The following NFX1 variants were observed in gnomAD, a reference collection of about 807,000 sequenced individuals.
NFX1 encodes the protein transcriptional repressor NF-X1.
In NFX1, 69 loss-of-function variants were observed where a neutral mutation model predicts 137.2. The observed-to-expected ratio is 0.50, with a 90% confidence interval of 0.41 to 0.61. NFX1 has a LOEUF of 0.61. Among genes scored for constraint, NFX1 ranks in the 20% least tolerant of loss-of-function variants. NFX1 has a pLI of 0.00. For missense variants in NFX1, 1,167 were observed against 1,391.0 expected (o/e 0.84, Z 2.56); for synonymous variants, 495 against 474.1 (o/e 1.04, Z -0.57).
intron 2 of NFX1, among the ~76,000 whole-genome samples, chr9:33,299,359 A>C (rs755235263): frequency 1.3e-5 from 2 of 152,114 alleles, no homozygotes; most frequent in East Asian, 3.8e-4. Context: ...TTTGGAAAAG[A>C]TGTTTCTGCT....
intron 4 of NFX1, among the ~76,000 whole-genome samples, chr9:33,305,881 A>G (rs1401567877): frequency 6.6e-6 from 1 of 152,206 alleles, no homozygotes; most frequent in Non-Finnish European, 1.5e-5. Context: ...AAAGACCAGG[A>G]CTTAAGGATG....
At chr9:33,339,514 GC>G (rs1823140098) in intron 12 of NFX1, among the ~76,000 whole-genome samples, 3 of 152,150 alleles carry the variant, frequency 2.0e-5, no homozygotes, top group African/African-American at 7.2e-5. Context: ...TGGGGACACA[GC>G]CAAACTATAT....
intron 9 of NFX1, among the ~76,000 whole-genome samples, chr9:33,325,026 T>C (rs1822528730): frequency 6.6e-6 from 1 of 152,096 alleles, no homozygotes; most frequent in Non-Finnish European, 1.5e-5. Context: ...GGGACACCTT[T>C]AACTGTATCA....
rs1821544891 is a variant in NFX1, at chr9:33,301,060, C to G, written c.1034-203C>G. ...GAATCCCCACCTGAGTGTCTCCTTC[C>G]TAAATCCTCTTCCTCAGCAAATTCC... On this transcript the variant is annotated intron_variant, in intron 2 of 23. Transcript: ENST00000379540. 6.6e-5 allele frequency among the ~76,000 whole-genome samples: 10 copies of G among 152,358 alleles called. No homozygotes were observed. The South Asian group carries it at 2.1e-3, about 32-fold the overall frequency.
intron 19 of NFX1, among the ~76,000 whole-genome samples, chr9:33,361,744 G>T (rs1334151328): frequency 6.6e-6 from 1 of 151,992 alleles, no homozygotes; most frequent in Non-Finnish European, 1.5e-5. Context: ...TTGTACTCCA[G>T]CCTGGGCGAC....
chr9:33,306,556 C>T (rs1238798954), intron 4 of NFX1, among the ~76,000 whole-genome samples: 1 of 152,154 alleles, frequency 6.6e-6, no homozygotes, highest in Non-Finnish European at 1.5e-5. Context: ...CTGGGGATGG[C>T]TGCAATTTAG....
intron 4 of NFX1, 99 bp from the exon 5 acceptor site, chr9:33,307,095 C>T (rs767023807): frequency 9.9e-6 from 8 of 806,358 alleles, no homozygotes; most frequent in African/African-American, 1.7e-5. Flanking sequence ...AAAAACCACA[C>T]TAAAGTTGCA....
intron 2 of NFX1, among the ~76,000 whole-genome samples, chr9:33,301,022 T>C (rs949846565): frequency 2.0e-5 from 3 of 152,228 alleles, no homozygotes; most frequent in Non-Finnish European, 4.4e-5. Context: ...TGGGAATGTT[T>C]CCTTAATTGT....
chr9:33,359,986 T>C (rs978283294), intron 19 of NFX1, among the ~76,000 whole-genome samples: 1 of 152,206 alleles, frequency 6.6e-6, no homozygotes, highest in Non-Finnish European at 1.5e-5. Flanking sequence ...GAAGGTAATA[T>C]GATGACTAGT....
intron 21 of NFX1, 27 bp from the exon 22 acceptor site, chr9:33,366,598 GATCA>G (rs1375196085): frequency 2.5e-6 from 4 of 1,611,294 alleles, no homozygotes; most frequent in Admixed American, 1.7e-5. Flanking sequence ...AGAATGATAT[GATCA>G]ATCAGTCATC....
intron 6 of NFX1, among the ~76,000 whole-genome samples, chr9:33,312,992 G>A (rs1330446596): frequency 6.6e-6 from 1 of 152,218 alleles, no homozygotes; most frequent in Non-Finnish European, 1.5e-5. Flanking sequence ...CATATAGTAT[G>A]TTCTAAGTGC....
chr9:33,349,777 G>A (rs1025160188), intron 15 of NFX1, among the ~76,000 whole-genome samples: 16 of 152,160 alleles, frequency 1.1e-4, no homozygotes, highest in Admixed American at 5.2e-4. Flanking sequence ...GAGACATGAG[G>A]AGAGTTAAGT....
At chr9:33,318,635 C>A in intron 7 of NFX1, 96 bp from the exon 8 acceptor site, 1 of 1,159,514 alleles carries the variant, frequency 8.6e-7, no homozygotes, top group Non-Finnish European at 1.3e-6. Flanking sequence ...GCGACTGTGC[C>A]AGGCCCGCAT....
intron 11 of NFX1, among the ~76,000 whole-genome samples, chr9:33,337,519 C>A (rs530190718): frequency 6.6e-6 from 1 of 152,126 alleles, no homozygotes; most frequent in African/African-American, 2.4e-5. Context: ...TAAACACTAC[C>A]GTTGCTATTT....
chr9:33,304,044 A>G (rs182561834), intron 4 of NFX1, among the ~76,000 whole-genome samples: 1 of 152,334 alleles, frequency 6.6e-6, no homozygotes, highest in African/African-American at 2.4e-5. Context: ...AGGTAGGTGG[A>G]TCACCTGAGA....
chr9:33,347,193 A>C, intron 15 of NFX1, 76 bp downstream of exon 15: 163 of 1,146,134 alleles, frequency 1.4e-4, no homozygotes, highest in Middle Eastern at 2.0e-4. Flanking sequence ...TGTTAGTCTC[A>C]TCGTCTGTCA....
At chr9:33,334,651 A>T (rs1822933879) in intron 11 of NFX1, among the ~76,000 whole-genome samples, 1 of 152,104 alleles carries the variant, frequency 6.6e-6, no homozygotes, top group Admixed American at 6.6e-5. Context: ...TTTTCCCTAG[A>T]TTTAGGCTTA....
intron 3 of NFX1, among the ~76,000 whole-genome samples, chr9:33,302,986 T>A (rs931302266): frequency 2.0e-5 from 3 of 148,450 alleles, no homozygotes. Context: ...TTTTTTTTTT[T>A]AATGAACCCC....
rs746203314 is a variant in NFX1, at chr9:33,367,482, C to G, written c.3186-33C>G. 5.6e-6 allele frequency: 9 copies of G among 1,606,276 alleles called. No individual in the cohort carries two copies. The Admixed American group carries it at 1.0e-4, about 18-fold the overall frequency. On this transcript the variant is annotated intron_variant, in intron 22 of 23. Transcript: ENST00000379540. ...TGTCCATCTCCACAAACAATTCTCA[C>G]TTTTCAATGCTTGGTGTTTTGACTT...
Sources: gnomAD v4.1 joint callset for allele counts (sites outside exome capture counted in the v4.1 genomes callset) on GRCh38, gnomAD v4.1.1 for gene constraint, MANE v1.5 for transcripts, NCBI Gene and HGNC (gene_info 2026-07-23, HGNC 2026-07-21) for gene names.